The following NQO1 variants were observed in gnomAD, a reference collection of about 807,000 sequenced individuals.
The protein encoded by NQO1 is NAD(P)H dehydrogenase [quinone] 1.
In NQO1, 30 loss-of-function variants were observed where a neutral mutation model predicts 32.1. The ratio of observed to expected loss-of-function variants is 0.94; its 90% CI spans 0.70 to 1.27. The LOEUF (loss-of-function observed/expected upper bound fraction) is 1.27, where lower values mean the gene tolerates loss of function less well. Among genes scored for constraint, NQO1 ranks in the 50% most tolerant of loss-of-function variants. NQO1 has a pLI of 0.00. For synonymous variants in NQO1, 109 were observed against 119.7 expected, an observed-to-expected ratio of 0.91 and a Z score of 0.59; for missense variants, 276 against 331.3, an observed-to-expected ratio of 0.83 and a Z score of 1.30.
At position 69,713,238 on chromosome 16, in the gene NQO1, G is replaced by C. The variant is rs184228550; in HGVS notation, c.418-109C>G. 1.1e-4 allele frequency: 95 copies of C among 830,726 alleles called. 1 individual carries two copies. The Middle Eastern group carries it at 1.6e-3, about 14-fold the overall frequency. 51.5% of individuals were successfully genotyped at this position (830,726 alleles called of 1,614,324 possible). A position where few individuals can be genotyped will look rare whatever the true frequency, so the allele number is the denominator to read the frequency against. ...AAGAACACACAAGTCTGTCCTATTT[G>C]CTGTTTATATTACTTCATACTTTGG... On this transcript the variant is annotated intron_variant, in intron 4 of 5. Transcript: ENST00000320623.
intron 1 of NQO1, among the ~76,000 whole-genome samples, chr16:69,721,369 C>G (rs1051697322): frequency 6.6e-6 from 1 of 152,152 alleles, no homozygotes; most frequent in Non-Finnish European, 1.5e-5. Context: ...TCGCCCAGCA[C>G]GGGGCTCACC....
Position 69,709,469 on chromosome 16 carries a change from T to A in NQO1, c.*1507A>T. 1 of 285,874 alleles carries A rather than the reference T, an allele frequency of 3.5e-6. No individual in the cohort carries two copies. 17.7% of individuals were successfully genotyped at this position (285,874 alleles called of 1,614,324 possible). A position where few individuals can be genotyped will look rare whatever the true frequency, so the allele number is the denominator to read the frequency against. ...TTGAGAAATTTACACAAAATTGCAGTGAAGATGAAGGCAACAAAATATTTT... is the reference window on the plus strand; with the variant it reads ...TTGAGAAATTTACACAAAATTGCAGAGAAGATGAAGGCAACAAAATATTTT... On this transcript the variant is annotated 3_prime_UTR_variant, in exon 6 of 6. Transcript: ENST00000320623.
chr16:69,721,924 G>T (rs8053774), intron 1 of NQO1, among the ~76,000 whole-genome samples: 2,872 of 151,794 alleles, frequency 0.019, 99 homozygotes, highest in African/African-American at 0.062. Flanking sequence ...GATCATTTGA[G>T]CCAGGGAGGT....
chr16:69,721,864 G>A (rs1431912789), intron 1 of NQO1, among the ~76,000 whole-genome samples: 4 of 149,476 alleles, frequency 2.7e-5, no homozygotes, highest in South Asian at 2.1e-4. Flanking sequence ...TTAGCTGAGC[G>A]TAGTGGTGTG....
Position 69,717,483 on chromosome 16 carries a change from G to A in NQO1, c.303+640C>T, listed in dbSNP as rs565264833. Among the ~76,000 whole-genome samples, 306 of 129,570 alleles carry A rather than the reference G, an allele frequency of 2.4e-3. 3 individuals are homozygous for A. Among genetic ancestry groups the A allele is most frequent in the African/African-American group, 8.0e-3 (300 of 37,318 alleles). The allele number at this position is 129,570 out of a possible 152,430, so 85.0% of individuals were successfully genotyped here. ...GAGAGTCCAACAGGAATCGCTAACC[G>A]CAGGATTCGCTAACTGAAGGAATCG... On this transcript the variant is annotated intron_variant, in intron 3 of 5. Coordinates refer to ENST00000320623, the MANE Select transcript of NQO1 (RefSeq NM_000903.3).
In NQO1 at chr16:69,715,061, A is replaced by G; in HGVS notation, c.320T>C (p.Phe107Ser). The part of the protein sequence containing the change: ...LVIFQFPLQW[F>S]GVPAILKGWF... ...GCCTTTCAGAATGGCAGGGACTCCA[A>G]ACCACTGCAGGGGGAACTGTGGGAC... Residue 107 changes from phenylalanine (F) to serine (S), a missense_variant, in exon 4 of 6, where the codon TTT (phenylalanine) becomes TCT (serine). Phe to Ser is a radical substitution (Grantham distance 155). Coordinates refer to ENST00000320623, the MANE Select transcript of NQO1 (RefSeq NM_000903.3). 1 of 1,613,454 alleles carries G rather than the reference A, an allele frequency of 6.2e-7. No individual in the cohort carries two copies. Among genetic ancestry groups the G allele is most frequent in the Non-Finnish European group, 8.5e-7 (1 of 1,179,570 alleles).
In NQO1 at chr16:69,718,452, C is replaced by T. The variant is rs1398029467; in HGVS notation, c.90G>A (p.Leu30=). ...YAMKEAAAAA[L]KKKGWEVVES... is the part of the protein sequence containing the mutation. ...CCACCACCTCCCATCCTTTCTTCTT[C>T]AAAGCCGCTGCAGCAGCCTCCTTCA... The change falls in exon 2 of 6, where the codon TTG becomes TTA. Residue 30 remains leucine (L), a synonymous_variant. Transcript: ENST00000320623. 1 of 1,614,040 alleles carries T rather than the reference C, an allele frequency of 6.2e-7. No homozygotes were observed. Among genetic ancestry groups the T allele is most frequent in the African/African-American group, 1.3e-5 (1 of 74,930 alleles).
rs769378047 is a variant in NQO1, at chr16:69,718,535, C to T, written c.8-1G>A. The T allele has an allele frequency of 6.2e-7, 1 of 1,613,262 alleles. No homozygotes were observed. The highest frequency in any genetic ancestry group is 8.5e-7 in the Non-Finnish European group (1 of 1,179,764). On this transcript the variant is annotated splice_acceptor_variant, in intron 1 of 5. Transcript: ENST00000320623. LOFTEE classifies it high-confidence loss of function. ...GCCAGTACGATCAGTGCTCTTCTGC[C>T]TACAGAGACACACACAAAGCACACA... is the stretch of plus-strand genomic sequence containing the variant.
chr16:69,711,654 C>CT (rs903633662), intron 5 of NQO1, among the ~76,000 whole-genome samples: 2,541 of 136,684 alleles, frequency 0.019, 35 homozygotes, highest in Non-Finnish European at 0.027. Context: ...TTTTCTTTTT[C>CT]TTTTTTTTTT....
chr16:69,711,786 T>TG (rs2038045342), intron 5 of NQO1, among the ~76,000 whole-genome samples: 1 of 151,908 alleles, frequency 6.6e-6, no homozygotes, highest in African/African-American at 2.4e-5. Flanking sequence ...CCCGAGTAGC[T>TG]GGGATTACAG....
intron 3 of NQO1, 136 bp from the exon 4 acceptor site, chr16:69,715,213 G>T (rs1053590025): frequency 3.0e-6 from 2 of 657,264 alleles, no homozygotes. Context: ...TCCTCCTGGG[G>T]AGTTAGCACT....
At chr16:69,714,216 C>T (rs2151743470) in intron 4 of NQO1, among the ~76,000 whole-genome samples, 1 of 150,804 alleles carries the variant, frequency 6.6e-6, no homozygotes, top group Admixed American at 6.6e-5. Context: ...GTTGCCCAGG[C>T]TGGAGTGCAG....
intron 1 of NQO1, among the ~76,000 whole-genome samples, chr16:69,721,831 CA>C (rs11325347): frequency 0.5 from 48,658 of 97,046 alleles, 9,925 homozygotes; most frequent in Middle Eastern, 0.62. Context: ...CCGTTTCTAC[CA>C]AAAAAAAAAA....
At chr16:69,711,757 G>C (rs763286874) in intron 5 of NQO1, among the ~76,000 whole-genome samples, 7 of 151,546 alleles carry the variant, frequency 4.6e-5, no homozygotes, top group Non-Finnish European at 1.0e-4. Context: ...GGGTTCAAGC[G>C]GTTCTCCTGC....
At position 69,711,212 on chromosome 16, in the gene NQO1, G is replaced by A; in HGVS notation, c.589C>T (p.Pro197Ser). The change falls in exon 6 of 6, where the codon CCA becomes TCA. Residue 197 changes from proline to serine, a missense_variant. Physicochemically the swap from Pro to Ser is moderately conservative, Grantham distance 74. Coordinates refer to ENST00000320623, the MANE Select transcript of NQO1 (RefSeq NM_000903.3). The stretch of plus-strand genomic sequence containing the variant: ...AGGATTTGAATTCGGGCGTCTGCTG[G>A]AGTGTGCCCAATGCTATATGTCAGT... Reference protein sequence around the residue: ...PQLTYSIGHTPADARIQILEG... With the variant: ...PQLTYSIGHTSADARIQILEG... The A allele has an allele frequency of 6.2e-7, 1 of 1,614,184 alleles. No individual in the cohort carries two copies. The highest frequency in any genetic ancestry group is 8.5e-7 in the Non-Finnish European group (1 of 1,180,038).
At chr16:69,717,853 C>T (rs373958013) in intron 3 of NQO1, 8 of 357,308 alleles carry the variant, frequency 2.2e-5, no homozygotes, top group African/African-American at 1.7e-4. Context: ...CCTTGTGATT[C>T]ACCTGCCTTG....
chr16:69,712,944 G>T, intron 5 of NQO1, 84 bp downstream of exon 5: 1 of 1,129,004 alleles, frequency 8.9e-7, no homozygotes, highest in South Asian at 1.3e-5. Context: ...AGTGAACTAA[G>T]ATGGTGTCAC....
At chr16:69,715,537 G>A (rs2038101637) in intron 3 of NQO1, among the ~76,000 whole-genome samples, 1 of 152,218 alleles carries the variant, frequency 6.6e-6, no homozygotes, top group Non-Finnish European at 1.5e-5. Flanking sequence ...GGAGGCCAAG[G>A]CGGGTGGATC....
chr16:69,715,193 C>T, intron 3 of NQO1, 116 bp from the exon 4 acceptor site: 2 of 735,896 alleles, frequency 2.7e-6, no homozygotes, highest in East Asian at 2.5e-5. Context: ...CCTCTTCACA[C>T]CTTTCCCATT....
Sources: allele counts gnomAD v4.1 joint callset (sites outside exome capture counted in the v4.1 genomes callset), GRCh38; gene constraint gnomAD v4.1.1; transcripts MANE v1.5; gene names NCBI Gene and HGNC (gene_info 2026-07-23, HGNC 2026-07-21).